TCF7L1: variants seen among roughly 807,000 people sequenced by gnomAD.
The protein encoded by TCF7L1 is transcription factor 7-like 1.
A neutral mutation model predicts 63.7 loss-of-function variants in TCF7L1; 18 were observed. The observed-to-expected ratio is 0.28, with a 90% CI of 0.20 to 0.42. TCF7L1 has a LOEUF of 0.42. TCF7L1 is among the 10% of genes least tolerant of loss of function. The probability of loss-of-function intolerance (pLI) is 1.00; values close to 1 mark genes in which losing one functional copy is unlikely to be tolerated. For synonymous variants in TCF7L1, 355 were observed against 340.9 expected, an observed-to-expected ratio of 1.04 and a Z score of -0.46; for missense variants, 654 against 779.3, an observed-to-expected ratio of 0.84 and a Z score of 1.91.
chr2:85,274,617 T>C (rs936674060), intron 3 of TCF7L1, among the ~76,000 whole-genome samples: 4 of 152,192 alleles, frequency 2.6e-5, no homozygotes, highest in Admixed American at 2.6e-4. Context: ...ACCCAGCCAA[T>C]TGGTAGCATC....
intron 3 of TCF7L1, among the ~76,000 whole-genome samples, chr2:85,152,593 C>G (rs1224081541): frequency 6.6e-6 from 1 of 151,868 alleles, no homozygotes; most frequent in Non-Finnish European, 1.5e-5. Flanking sequence ...TGCCACCATG[C>G]CCGGCTAATT....
In TCF7L1 at chr2:85,285,234, A is replaced by C. The variant is rs187257662; in HGVS notation, c.525+1656A>C. Among the ~76,000 whole-genome samples the C allele has an allele frequency of 2.3e-3, 345 of 151,224 alleles. 2 individuals are homozygous for C. The highest frequency in any genetic ancestry group is 7.0e-3 in the African/African-American group (288 of 41,376). On this transcript the variant is annotated intron_variant, in intron 4 of 11. Coordinates refer to ENST00000282111, the MANE Select transcript of TCF7L1 (RefSeq NM_031283.3). ...GGTGACAGAGCGAGACTCTGTCTCA[A>C]AAAAAAAAAACTGATAATTCTTATT...
At position 85,305,762 on chromosome 2, in the gene TCF7L1, G is replaced by A. The variant is rs77010233; in HGVS notation, c.989+359G>A. On this transcript the variant is annotated intron_variant, in intron 8 of 11. Transcript: ENST00000282111. Reference sequence around the variant, plus strand: ...AAGGACTTGTGGTGGGCTGGTGGCCGAGCTGAGATGAGCACCAGGGTCCTT... The same window carrying A: ...AAGGACTTGTGGTGGGCTGGTGGCCAAGCTGAGATGAGCACCAGGGTCCTT... Among the ~76,000 whole-genome samples the A allele has an allele frequency of 2.2e-4, 34 of 152,256 alleles. 1 individual carries two copies. The East Asian group carries it at 5.4e-3, about 24-fold the overall frequency.
intron 3 of TCF7L1, among the ~76,000 whole-genome samples, chr2:85,244,110 A>G (rs1437655528): frequency 6.6e-6 from 1 of 152,172 alleles, no homozygotes; most frequent in Non-Finnish European, 1.5e-5. Context: ...GCAGGTGCAA[A>G]GGGGATGGCG....
intron 3 of TCF7L1, among the ~76,000 whole-genome samples, chr2:85,276,151 C>T (rs1292736426): frequency 6.6e-6 from 1 of 152,204 alleles, no homozygotes; most frequent in Non-Finnish European, 1.5e-5. Context: ...TTTTCTCTTA[C>T]CGACTGCTGA....
chr2:85,300,417 A>T (rs1681940883), intron 4 of TCF7L1, among the ~76,000 whole-genome samples: 2 of 152,204 alleles, frequency 1.3e-5, no homozygotes, highest in Admixed American at 1.3e-4. Flanking sequence ...AAAACGAGTA[A>T]TTGGACAGGT....
chr2:85,182,498 G>A lies in TCF7L1; in HGVS notation c.441+48048G>A, dbSNP rs151103904. ...AGACTGTGAAGGAATGAATGAAGTG[G>A]GTAGAGAGGTTCCCGGTCAGGCTGT... is the stretch of plus-strand genomic sequence containing the variant. On this transcript the variant is annotated intron_variant, in intron 3 of 11. Transcript: ENST00000282111. Among the ~76,000 whole-genome samples, 90 of 152,260 alleles carry A rather than the reference G, an allele frequency of 5.9e-4. 3 individuals are homozygous for A. The East Asian group carries it at 0.016, about 28-fold the overall frequency.
At chr2:85,262,278 C>A in intron 3 of TCF7L1, 1 of 556,910 alleles carries the variant, frequency 1.8e-6, no homozygotes, top group Non-Finnish European at 3.6e-6. Context: ...CGCATCTTCA[C>A]CTTCTGCACT....
chr2:85,224,173 T>A (rs1679906416), intron 3 of TCF7L1, among the ~76,000 whole-genome samples: 2 of 152,270 alleles, frequency 1.3e-5, no homozygotes, highest in South Asian at 4.1e-4. Context: ...CACATTTTCT[T>A]TATCCAGTCA....
At position 85,305,371 on chromosome 2, in the gene TCF7L1, G is replaced by A. The variant is rs144514487; in HGVS notation, c.957G>A (p.Pro319=). ...TCTCCCCCATCGTCAAGCAGGAACC[G>A]GCACCCCCCAGCCTGAGCCCTGCAG... ...AIVSPIVKQE[P]APPSLSPAVS... Residue 319 remains proline, a synonymous_variant, in exon 8 of 12, where the codon CCG becomes CCA. Transcript: ENST00000282111. 138 of 1,612,996 alleles carry A rather than the reference G, an allele frequency of 8.6e-5. No homozygotes were observed. The African/African-American group carries it at 1.6e-3, about 19-fold the overall frequency.
At chr2:85,193,418 C>T (rs1428784340) in intron 3 of TCF7L1, among the ~76,000 whole-genome samples, 1 of 152,178 alleles carries the variant, frequency 6.6e-6, no homozygotes, top group Non-Finnish European at 1.5e-5. Flanking sequence ...GGTGCAGTGG[C>T]TCATGCCTGT....
At chr2:85,193,505 C>T (rs945888650) in intron 3 of TCF7L1, among the ~76,000 whole-genome samples, 2 of 152,034 alleles carry the variant, frequency 1.3e-5, no homozygotes, top group African/African-American at 2.4e-5. Flanking sequence ...GGCAACAAAG[C>T]GAGACCTCAT....
At chr2:85,304,811 T>C (rs1339184118) in intron 7 of TCF7L1, among the ~76,000 whole-genome samples, 1 of 152,230 alleles carries the variant, frequency 6.6e-6, no homozygotes, top group East Asian at 1.9e-4. Context: ...ACGGACTGTC[T>C]GTATATCACA....
intron 3 of TCF7L1, among the ~76,000 whole-genome samples, chr2:85,272,064 C>G (rs186479718): frequency 6.6e-6 from 1 of 152,190 alleles, no homozygotes; most frequent in East Asian, 1.9e-4. Flanking sequence ...GGTTGCCCCC[C>G]ACCCCCGCTG....
At chr2:85,269,345 C>T (rs1681089618) in intron 3 of TCF7L1, among the ~76,000 whole-genome samples, 1 of 152,128 alleles carries the variant, frequency 6.6e-6, no homozygotes, top group African/African-American at 2.4e-5. Context: ...TCACTGTAAG[C>T]AACAGTATCC....
At chr2:85,294,045 T>TTTTTTTTTC (rs1553407869) in intron 4 of TCF7L1, among the ~76,000 whole-genome samples, 1,345 of 113,418 alleles carry the variant, frequency 0.012, 131 homozygotes, top group East Asian at 0.025. Context: ...TTTTTTTTTT[T>TTTTTTTTTC]TTTTTTTTTG....
intron 3 of TCF7L1, among the ~76,000 whole-genome samples, chr2:85,159,713 C>T (rs1678240314): frequency 1.3e-5 from 2 of 152,220 alleles, no homozygotes; most frequent in Middle Eastern, 3.2e-3. Context: ...AAGGCTTGCG[C>T]CCTGGGATGC....
chr2:85,159,315 A>G (rs967356287), intron 3 of TCF7L1, among the ~76,000 whole-genome samples: 2 of 152,040 alleles, frequency 1.3e-5, no homozygotes, highest in East Asian at 1.9e-4. Context: ...TGGGCAGACC[A>G]TTCACTTCGG....
intron 4 of TCF7L1, among the ~76,000 whole-genome samples, chr2:85,293,922 C>T (rs534819381): frequency 7.9e-4 from 119 of 151,058 alleles, no homozygotes; most frequent in African/African-American, 2.7e-3. Flanking sequence ...TGGTGGGTCT[C>T]TTGAGCAGGC....
Sources: gnomAD v4.1 joint callset for allele counts (sites outside exome capture counted in the v4.1 genomes callset) on GRCh38, gnomAD v4.1.1 for gene constraint, MANE v1.5 for transcripts, NCBI Gene and HGNC (gene_info 2026-07-23, HGNC 2026-07-21) for gene names.